The following TTC28 variants were observed in gnomAD, a reference collection of about 807,000 sequenced individuals.
The protein encoded by TTC28 is tetratricopeptide repeat domain 28.
In TTC28, 61 loss-of-function variants were observed where a neutral mutation model predicts 198.0. The ratio of observed to expected loss-of-function variants is 0.31; its 90% CI spans 0.25 to 0.38. The LOEUF (loss-of-function observed/expected upper bound fraction) is 0.38. Ranked by LOEUF, TTC28 falls within the 10% of genes least tolerant of loss-of-function variation. The pLI, the probability that TTC28 is intolerant of heterozygous loss-of-function variation, is 1.00. For missense variants in TTC28, 2,678 were observed against 3,164.0 expected (o/e 0.85, Z 3.69); for synonymous variants, 1,171 against 1,297.8 (o/e 0.90, Z 2.10).
intron 6 of TTC28, among the ~76,000 whole-genome samples, chr22:28,110,321 T>C (rs538940149): frequency 4.6e-5 from 7 of 152,340 alleles, no homozygotes; most frequent in South Asian, 4.1e-4. Flanking sequence ...TTTTGAGTTT[T>C]ATGTAGTTCA....
At chr22:28,532,733 G>A (rs2049168088) in intron 2 of TTC28, among the ~76,000 whole-genome samples, 1 of 152,106 alleles carries the variant, frequency 6.6e-6, no homozygotes, top group African/African-American at 2.4e-5. Flanking sequence ...TTCATCCCTG[G>A]GATGCAAGGC....
intron 2 of TTC28, among the ~76,000 whole-genome samples, chr22:28,584,273 T>C (rs1050706153): frequency 6.6e-6 from 1 of 152,232 alleles, no homozygotes; most frequent in African/African-American, 2.4e-5. Context: ...GTAGCTCTCA[T>C]ATCTCCTGAT....
chr22:28,264,650 CGT>C (rs1286610494), intron 5 of TTC28, among the ~76,000 whole-genome samples: 1 of 152,074 alleles, frequency 6.6e-6, no homozygotes, highest in Non-Finnish European at 1.5e-5. Context: ...CGTGTGGGCG[CGT>C]GTGCTTAAAT....
intron 1 of TTC28, among the ~76,000 whole-genome samples, chr22:28,633,565 C>T (rs999505604): frequency 1.3e-5 from 2 of 151,940 alleles, no homozygotes. Context: ...GGGGTCAGGG[C>T]TGCAGTGAGC....
intron 5 of TTC28, 113 bp downstream of exon 5, chr22:28,296,085 C>T: frequency 8.6e-7 from 1 of 1,162,820 alleles, no homozygotes; most frequent in Non-Finnish European, 1.2e-6. Flanking sequence ...GTAATACTTT[C>T]TTCTGAAAGT....
chr22:28,151,614 G>T (rs1347119926), intron 6 of TTC28, among the ~76,000 whole-genome samples: 1 of 152,170 alleles, frequency 6.6e-6, no homozygotes, highest in Non-Finnish European at 1.5e-5. Flanking sequence ...ATAGGTGTGG[G>T]GCACAGCACA....
intron 14 of TTC28, 138 bp from the exon 15 acceptor site, chr22:28,001,691 G>T: frequency 2.9e-6 from 3 of 1,024,176 alleles, no homozygotes; most frequent in South Asian, 1.6e-5. Context: ...GCGCCATGGG[G>T]CATGGGCCGA....
At chr22:28,363,593 C>T (rs1045814850) in intron 2 of TTC28, among the ~76,000 whole-genome samples, 1 of 152,160 alleles carries the variant, frequency 6.6e-6, no homozygotes, top group Non-Finnish European at 1.5e-5. Flanking sequence ...GATCCACTGA[C>T]AGCTTGCACC....
intron 2 of TTC28, among the ~76,000 whole-genome samples, chr22:28,584,852 T>C (rs1347013137): frequency 6.6e-6 from 1 of 152,182 alleles, no homozygotes; most frequent in African/African-American, 2.4e-5. Context: ...GAAAGAAAAA[T>C]AAACGATGAA....
intron 5 of TTC28, among the ~76,000 whole-genome samples, chr22:28,226,365 T>C (rs1312534323): frequency 1.3e-5 from 2 of 152,118 alleles, no homozygotes; most frequent in African/African-American, 4.8e-5. Flanking sequence ...CTCACTGTAG[T>C]TTAAATTTGC....
intron 2 of TTC28, among the ~76,000 whole-genome samples, chr22:28,614,304 TA>T (rs1360090097): frequency 6.6e-6 from 1 of 152,144 alleles, no homozygotes; most frequent in Admixed American, 6.6e-5. Flanking sequence ...AAGACACAAA[TA>T]AATGGAAAAA....
At chr22:28,403,181 C>T (rs2046944027) in intron 2 of TTC28, among the ~76,000 whole-genome samples, 1 of 152,156 alleles carries the variant, frequency 6.6e-6, no homozygotes, top group African/African-American at 2.4e-5. Flanking sequence ...AGAGGGAATA[C>T]AGAACATGAT....
chr22:27,990,832 A>C lies in TTC28; in HGVS notation c.5554-20T>G. 1 of 1,546,546 alleles carries C rather than the reference A, an allele frequency of 6.5e-7. No homozygotes were observed. ...AACAGCCTTCGGCCAGCAGATTATA[A>C]GAAAAAGAAAGAAAGAGAGAAAGAA... On this transcript the variant is annotated intron_variant, in intron 19 of 22. Coordinates refer to ENST00000397906, the MANE Select transcript of TTC28 (RefSeq NM_001145418.2).
intron 6 of TTC28, among the ~76,000 whole-genome samples, chr22:28,123,992 A>G (rs374580141): frequency 2.0e-5 from 3 of 152,134 alleles, no homozygotes; most frequent in Admixed American, 6.5e-5. Context: ...CCAAAAAAAG[A>G]AAAAATATAT....
In TTC28 at chr22:28,107,584, G is replaced by A; in HGVS notation, c.2261C>T (p.Ala754Val). The A allele has an allele frequency of 1.3e-6, 2 of 1,551,728 alleles. No individual in the cohort carries two copies. Among genetic ancestry groups the A allele is most frequent in the Non-Finnish European group, 1.7e-6 (2 of 1,147,012 alleles). ...AGTGCCCAGGGCTGCATATGCACTG[G>A]CTTCTAATCTTCTGTCCTTTACCTG... ...AHQVKDRRLE[A>V]SAYAALGTAY... is the part of the protein sequence containing the mutation. Residue 754 changes from alanine to valine, a missense_variant, in exon 7 of 23, where the codon GCC becomes GTC. Physicochemically the swap from Ala to Val is moderately conservative, Grantham distance 64. Coordinates refer to ENST00000397906, the MANE Select transcript of TTC28 (RefSeq NM_001145418.2).
intron 12 of TTC28, among the ~76,000 whole-genome samples, chr22:28,037,989 C>A (rs1396796687): frequency 1.3e-5 from 2 of 152,134 alleles, no homozygotes; most frequent in South Asian, 2.1e-4. Context: ...TCAAGGAGAA[C>A]TAGAAACCAC....
In TTC28 at chr22:28,148,109, A is replaced by T. The variant is rs117515601; in HGVS notation, c.1441+14983T>A. On this transcript the variant is annotated intron_variant, in intron 6 of 22. Coordinates refer to ENST00000397906, the MANE Select transcript of TTC28 (RefSeq NM_001145418.2). ...TCTTGGATGAAGATCCAAAAAGGTT[A>T]ATATATTATTTAGTTAGCCTGCTAA... 4.2e-4 allele frequency among the ~76,000 whole-genome samples: 64 copies of T among 152,332 alleles called. No individual in the cohort carries two copies. The East Asian group carries it at 0.01, about 24-fold the overall frequency.
intron 6 of TTC28, among the ~76,000 whole-genome samples, chr22:28,124,198 G>GTTT (rs1555919224): frequency 3.6e-5 from 5 of 138,268 alleles, no homozygotes; most frequent in African/African-American, 1.3e-4. Context: ...TGTTGTTGTT[G>GTTT]TTTGTTTTTT....
rs1569136344 is a variant in TTC28 at position 28,096,417 on chromosome 22, CAAAG to C, written c.3548-13_3548-10del. ...GGCTTCATCATGATGGCCTAGGAGA[CAAAG>C]AGATATGCCGAGGAGTCCATAGTGA... is the stretch of plus-strand genomic sequence containing the variant. On this transcript the variant is annotated splice_polypyrimidine_tract_variant and intron_variant, in intron 10 of 22. Coordinates refer to ENST00000397906, the MANE Select transcript of TTC28 (RefSeq NM_001145418.2). The C allele has an allele frequency of 1.3e-6, 2 of 1,550,494 alleles. No individual in the cohort carries two copies. Among genetic ancestry groups the C allele is most frequent in the Middle Eastern group, 2.0e-4 (1 of 5,042 alleles).
Sources: gnomAD v4.1 joint callset for allele counts (sites outside exome capture counted in the v4.1 genomes callset) on GRCh38, gnomAD v4.1.1 for gene constraint, MANE v1.5 for transcripts, NCBI Gene and HGNC (gene_info 2026-07-23, HGNC 2026-07-21) for gene names.